The following TMEM132D variants were observed in gnomAD, a reference collection of about 807,000 sequenced individuals.
TMEM132D encodes the protein transmembrane protein 132D.
TMEM132D carries 21 observed loss-of-function variants against 62.3 expected under a neutral mutation model. The ratio of observed to expected loss-of-function variants is 0.34; its 90% CI spans 0.24 to 0.49. The LOEUF is 0.49. Ranked by LOEUF, TMEM132D falls within the 20% of genes least tolerant of loss-of-function variation. The pLI, the probability that TMEM132D is intolerant of heterozygous loss-of-function variation, is 0.99. For missense variants in TMEM132D, 1,346 were observed against 1,402.8 expected (o/e 0.96, Z 0.65); for synonymous variants, 621 against 575.6 (o/e 1.08, Z -1.13).
intron 1 of TMEM132D, among the ~76,000 whole-genome samples, chr12:129,819,552 G>C (rs775503429): frequency 1.3e-5 from 2 of 151,978 alleles, no homozygotes; most frequent in Non-Finnish European, 2.9e-5. Context: ...TCTATTTGCT[G>C]TGCAGACTCT....
At chr12:129,526,918 G>T (rs1413434675) in intron 3 of TMEM132D, among the ~76,000 whole-genome samples, 2 of 152,236 alleles carry the variant, frequency 1.3e-5, no homozygotes, top group African/African-American at 2.4e-5. Flanking sequence ...TGATACTGGA[G>T]AACTGCCATT....
At chr12:129,519,485 A>G (rs1371842162) in intron 3 of TMEM132D, among the ~76,000 whole-genome samples, 1 of 152,248 alleles carries the variant, frequency 6.6e-6, no homozygotes, top group Non-Finnish European at 1.5e-5. Context: ...ATTTCAATAT[A>G]GCTGCATTCC....
intron 3 of TMEM132D, among the ~76,000 whole-genome samples, chr12:129,402,960 A>C (rs141687642): frequency 1.1e-4 from 17 of 152,200 alleles, no homozygotes; most frequent in African/African-American, 4.1e-4. Context: ...ACTTATGTAA[A>C]ACAGTAAATT....
chr12:129,357,604 A>C (rs891153232), intron 3 of TMEM132D, among the ~76,000 whole-genome samples: 2 of 152,092 alleles, frequency 1.3e-5, no homozygotes, highest in African/African-American at 4.8e-5. Context: ...GAGAGAAAGA[A>C]AAAGAAAGAA....
At position 129,388,321 on chromosome 12, in the gene TMEM132D, T is replaced by C. The variant is rs1871181595; in HGVS notation, c.1116-50504A>G. 1.8e-5 allele frequency among the ~76,000 whole-genome samples: 2 copies of C among 113,544 alleles called. 1 individual carries two copies. The highest frequency in any genetic ancestry group is 4.3e-5 in the Non-Finnish European group (2 of 46,672). 74.5% of individuals were successfully genotyped at this position (113,544 alleles called of 152,430 possible). A position where few individuals can be genotyped will look rare whatever the true frequency, so the allele number is the denominator to read the frequency against. On this transcript the variant is annotated intron_variant, in intron 3 of 8. Coordinates refer to ENST00000422113, the MANE Select transcript of TMEM132D (RefSeq NM_133448.3). ...ATATTAACACTAACATGAATCCTAA[T>C]ATAAACACTAACACCGACACCAATA...
At chr12:129,791,859 A>C (rs1217903592) in intron 1 of TMEM132D, among the ~76,000 whole-genome samples, 1 of 152,222 alleles carries the variant, frequency 6.6e-6, no homozygotes, top group Non-Finnish European at 1.5e-5. Context: ...GACAATCCAC[A>C]GACCTATTTT....
chr12:129,643,736 A>G (rs950097237), intron 2 of TMEM132D, among the ~76,000 whole-genome samples: 1 of 152,182 alleles, frequency 6.6e-6, no homozygotes, highest in Non-Finnish European at 1.5e-5. Flanking sequence ...CAGAAACTCA[A>G]AAGAATGCAA....
rs530426530 is a variant in TMEM132D at position 129,549,983 on chromosome 12, CTG to C, written c.969-18780_969-18779del. ...GTTACTGAGGCCTAACCTGGATAAACTGTGTCTTAGGAAAACCTTCTCTGGCT... is the reference window on the plus strand; with the variant it reads ...GTTACTGAGGCCTAACCTGGATAAACTGTCTTAGGAAAACCTTCTCTGGCT... On this transcript the variant is annotated intron_variant, in intron 2 of 8. Coordinates refer to ENST00000422113, the MANE Select transcript of TMEM132D (RefSeq NM_133448.3). Among the ~76,000 whole-genome samples the C allele has an allele frequency of 7.9e-5, 12 of 152,286 alleles. No individual in the cohort carries two copies. In the South Asian group the frequency reaches 2.5e-3, roughly 32 times the overall value.
At chr12:129,076,280 TGA>T (rs903047294) in intron 8 of TMEM132D, among the ~76,000 whole-genome samples, 95 of 152,168 alleles carry the variant, frequency 6.2e-4, no homozygotes, top group African/African-American at 2.2e-3. Context: ...AAAACACAGG[TGA>T]GAGAGAGAGT....
At chr12:129,811,917 T>A (rs1872199192) in intron 1 of TMEM132D, among the ~76,000 whole-genome samples, 1 of 151,566 alleles carries the variant, frequency 6.6e-6, no homozygotes, top group Non-Finnish European at 1.5e-5. Context: ...GGAAGCCAGC[T>A]CTCCTCCAGA....
At chr12:129,899,280 C>CATGG (rs1335410024) in intron 1 of TMEM132D, among the ~76,000 whole-genome samples, 10,278 of 121,478 alleles carry the variant, frequency 0.085, 775 homozygotes, top group Middle Eastern at 0.2. Flanking sequence ...TGGATGGATG[C>CATGG]ATGGATGGAT....
At chr12:129,376,530 T>A (rs1242774392) in intron 3 of TMEM132D, among the ~76,000 whole-genome samples, 1 of 152,112 alleles carries the variant, frequency 6.6e-6, no homozygotes, top group African/African-American at 2.4e-5. Flanking sequence ...GAGACACAAT[T>A]CAAGATGAGA....
intron 4 of TMEM132D, among the ~76,000 whole-genome samples, chr12:129,225,845 T>C (rs1879467471): frequency 1.3e-5 from 2 of 152,294 alleles, no homozygotes; most frequent in Admixed American, 6.5e-5. Flanking sequence ...GGCAGGAACC[T>C]GCTGTTTACC....
intron 5 of TMEM132D, among the ~76,000 whole-genome samples, chr12:129,180,043 A>T (rs1251223685): frequency 6.6e-6 from 1 of 151,986 alleles, no homozygotes; most frequent in Non-Finnish European, 1.5e-5. Flanking sequence ...GAAAATAAAA[A>T]AAAAAAAAGT....
chr12:129,807,887 A>G (rs1872046286), intron 1 of TMEM132D, among the ~76,000 whole-genome samples: 1 of 152,210 alleles, frequency 6.6e-6, no homozygotes, highest in African/African-American at 2.4e-5. Context: ...CTTAGTATTC[A>G]GCATCATAGG....
At chr12:129,662,463 C>A (rs1026149968) in intron 2 of TMEM132D, among the ~76,000 whole-genome samples, 2 of 152,000 alleles carry the variant, frequency 1.3e-5, no homozygotes, top group Non-Finnish European at 2.9e-5. Context: ...TTTTTTTGGC[C>A]AAGACTCAAA....
intron 1 of TMEM132D, among the ~76,000 whole-genome samples, chr12:129,762,109 A>G (rs1870398921): frequency 6.6e-6 from 1 of 152,138 alleles, no homozygotes; most frequent in Non-Finnish European, 1.5e-5. Flanking sequence ...CTGCACACTT[A>G]AGCCCCTGGA....
chr12:129,568,617 A>T (rs1336607105), intron 2 of TMEM132D, among the ~76,000 whole-genome samples: 5 of 152,236 alleles, frequency 3.3e-5, no homozygotes, highest in African/African-American at 4.8e-5. Flanking sequence ...TCTTAAGAAG[A>T]GTGTTTCTGA....
intron 2 of TMEM132D, among the ~76,000 whole-genome samples, chr12:129,668,497 C>T (rs1040967303): frequency 6.6e-6 from 1 of 151,612 alleles, no homozygotes; most frequent in Non-Finnish European, 1.5e-5. Context: ...AAAAATTGTG[C>T]CATTGGAATA....
Sources: allele counts gnomAD v4.1 joint callset (sites outside exome capture counted in the v4.1 genomes callset), GRCh38; gene constraint gnomAD v4.1.1; transcripts MANE v1.5; gene names NCBI Gene and HGNC (gene_info 2026-07-23, HGNC 2026-07-21).